PDE4D: variants seen among roughly 807,000 people sequenced by gnomAD.
PDE4D encodes phosphodiesterase 4D, also known as 3',5'-cyclic-AMP phosphodiesterase 4D.
In PDE4D, 24 loss-of-function variants were observed where a neutral mutation model predicts 87.4. The observed-to-expected ratio is 0.27, with a 90% CI of 0.20 to 0.39. The LOEUF (loss-of-function observed/expected upper bound fraction) is 0.39, where lower values mean the gene tolerates loss of function less well. Ranked by LOEUF, PDE4D falls within the 10% of genes least tolerant of loss-of-function variation. The probability of loss-of-function intolerance (pLI) is 1.00; values close to 1 mark genes in which losing one functional copy is unlikely to be tolerated. For synonymous variants in PDE4D, 384 were observed against 383.2 expected (o/e 1.00, Z -0.02); for missense variants, 714 against 1,041.0 (o/e 0.69, Z 4.32).
At chr5:59,850,443 C>G (rs1174720603) in intron 1 of PDE4D, among the ~76,000 whole-genome samples, 1 of 151,958 alleles carries the variant, frequency 6.6e-6, no homozygotes, top group Non-Finnish European at 1.5e-5. Context: ...TTGAACTATC[C>G]AATGTGTGAT....
intron 1 of PDE4D, among the ~76,000 whole-genome samples, chr5:59,853,802 T>C (rs976233161): frequency 6.6e-6 from 1 of 152,044 alleles, no homozygotes; most frequent in East Asian, 1.9e-4. Flanking sequence ...TTTGCAAAAA[T>C]GACATGCTAT....
chr5:60,090,220 CACAACA>C (rs1774983934), intron 2 of PDE4D, among the ~76,000 whole-genome samples: 1 of 152,054 alleles, frequency 6.6e-6, no homozygotes, highest in Non-Finnish European at 1.5e-5. Context: ...TAGATAAAAA[CACAACA>C]AAATAGGAAA....
intron 1 of PDE4D, chr5:59,430,524 T>C (rs1795954144): frequency 2.3e-6 from 2 of 885,168 alleles, no homozygotes; most frequent in Non-Finnish European, 3.0e-6. Flanking sequence ...CATATGCTGC[T>C]CACTGGTTGC....
intron 1 of PDE4D, among the ~76,000 whole-genome samples, chr5:59,466,103 A>G (rs1215547933): frequency 2.0e-5 from 3 of 152,202 alleles, no homozygotes; most frequent in African/African-American, 7.2e-5. Context: ...TCTAGAAATT[A>G]TGAAAAATAG....
intron 2 of PDE4D, among the ~76,000 whole-genome samples, chr5:60,118,561 T>TCGTGTGTGTG (rs150441384): frequency 5.5e-5 from 8 of 144,210 alleles, no homozygotes; most frequent in African/African-American, 2.0e-4. Flanking sequence ...TGGATGTAGG[T>TCGTGTGTGTG]TGTGTGTGTG....
chr5:59,673,856 G>C (rs545312407), intron 1 of PDE4D, among the ~76,000 whole-genome samples: 6 of 152,062 alleles, frequency 3.9e-5, no homozygotes, highest in East Asian at 1.9e-4. Flanking sequence ...CCTCTCTTGG[G>C]GTCACTTTTT....
rs550157603 is a variant in PDE4D at position 59,149,841 on chromosome 5, G to A, written c.808+30754C>T. Among the ~76,000 whole-genome samples, 43 of 148,878 alleles carry A rather than the reference G, an allele frequency of 2.9e-4. 2 individuals are homozygous for A. In the South Asian group the frequency reaches 5.8e-3, roughly 20 times the overall value. On this transcript the variant is annotated intron_variant, in intron 5 of 14. Transcript: ENST00000340635. Reference sequence around the variant, plus strand: ...TTGCAAAGGAACAACAGACTCATTAGATTTTTTTTTAACCTGAATATCTTT... The same window carrying A: ...TTGCAAAGGAACAACAGACTCATTAAATTTTTTTTTAACCTGAATATCTTT...
At chr5:59,491,102 A>G (rs777843185) in intron 1 of PDE4D, among the ~76,000 whole-genome samples, 1 of 152,208 alleles carries the variant, frequency 6.6e-6, no homozygotes, top group Non-Finnish European at 1.5e-5. Flanking sequence ...GATATGAAGC[A>G]AACTTTACCT....
intron 2 of PDE4D, among the ~76,000 whole-genome samples, chr5:60,142,329 C>A (rs1447876170): frequency 6.6e-6 from 1 of 152,140 alleles, no homozygotes; most frequent in Non-Finnish European, 1.5e-5. Context: ...CACACATAAT[C>A]ATACTCTTCA....
chr5:59,606,110 T>C (rs1406067671), intron 1 of PDE4D, among the ~76,000 whole-genome samples: 3 of 152,196 alleles, frequency 2.0e-5, no homozygotes, highest in South Asian at 4.1e-4. Flanking sequence ...GTAAGAGTGT[T>C]ACAGTATTCT....
At chr5:59,982,995 T>C (rs1425016576) in intron 3 of PDE4D, among the ~76,000 whole-genome samples, 2 of 152,170 alleles carry the variant, frequency 1.3e-5, no homozygotes, top group Admixed American at 1.3e-4. Context: ...ACCCATGAAG[T>C]AGGTGCTCGC....
chr5:60,118,083 C>G (rs1479703358), intron 2 of PDE4D, among the ~76,000 whole-genome samples: 1 of 152,220 alleles, frequency 6.6e-6, no homozygotes, highest in East Asian at 1.9e-4. Context: ...GTTGTTGTTT[C>G]TAGGCCACTG....
chr5:59,339,537 T>C (rs963690699), intron 1 of PDE4D, among the ~76,000 whole-genome samples: 4 of 152,082 alleles, frequency 2.6e-5, no homozygotes, highest in African/African-American at 4.8e-5. Context: ...GCCTTTAATA[T>C]GCAAATCAAT....
chr5:59,276,061 C>T (rs1026459165), intron 1 of PDE4D: 48 of 983,204 alleles, frequency 4.9e-5, no homozygotes, highest in Non-Finnish European at 5.8e-5. Flanking sequence ...GAAACTATTC[C>T]TCAAGGGCTG....
chr5:59,156,331 A>ATGTGTGTGTGTGTG (rs60467130), intron 5 of PDE4D, among the ~76,000 whole-genome samples: 1 of 122,758 alleles, frequency 8.1e-6, no homozygotes, highest in African/African-American at 3.4e-5. Context: ...ATATATATAT[A>ATGTGTGTGTGTGTG]TGTGTGTGTG....
At chr5:60,172,169 G>C (rs986159772) in intron 2 of PDE4D, among the ~76,000 whole-genome samples, 4 of 147,790 alleles carry the variant, frequency 2.7e-5, no homozygotes, top group Non-Finnish European at 6.0e-5. Context: ...GGCATTTGGT[G>C]AGGTCCTCAA....
intron 1 of PDE4D, among the ~76,000 whole-genome samples, chr5:59,882,271 C>T (rs972752123): frequency 6.6e-6 from 1 of 152,128 alleles, no homozygotes; most frequent in African/African-American, 2.4e-5. Flanking sequence ...GATTTCTGGA[C>T]AGTAGAGACC....
At chr5:60,439,113 T>C (rs1744995557) in intron 1 of PDE4D, among the ~76,000 whole-genome samples, 1 of 152,062 alleles carries the variant, frequency 6.6e-6, no homozygotes, top group African/African-American at 2.4e-5. Flanking sequence ...CCCGATACAA[T>C]ATTTCACCTC....
chr5:59,763,330 TAAAATAA>T (rs1483179503), intron 1 of PDE4D, among the ~76,000 whole-genome samples: 1 of 150,940 alleles, frequency 6.6e-6, no homozygotes, highest in East Asian at 1.9e-4. Flanking sequence ...ATAATAATAA[TAAAATAA>T]AAAATAAAAA....
Sources: allele counts gnomAD v4.1 joint callset (sites outside exome capture counted in the v4.1 genomes callset), GRCh38; gene constraint gnomAD v4.1.1; transcripts MANE v1.5; gene names NCBI Gene and HGNC (gene_info 2026-07-23, HGNC 2026-07-21).